Variants in RALYL observed in about 807,000 individuals in gnomAD.
RALYL encodes RALY RNA binding protein like.
In RALYL, 29 loss-of-function variants were observed where a neutral mutation model predicts 35.1. The observed-to-expected ratio is 0.83, with a 90% CI of 0.61 to 1.13. RALYL has a LOEUF of 1.13. Among genes scored for constraint, RALYL ranks in the 50% most tolerant of loss-of-function variants. The pLI is 0.00. For missense variants in RALYL, 359 were observed against 360.4 expected, an observed-to-expected ratio of 1.00 and a Z score of 0.03; for synonymous variants, 120 against 127.6, an observed-to-expected ratio of 0.94 and a Z score of 0.40.
At chr8:84,887,469 A>G (rs1843084030) in intron 7 of RALYL, 135 bp from the exon 8 acceptor site, 2 of 608,622 alleles carry the variant, frequency 3.3e-6, no homozygotes, top group Non-Finnish European at 5.3e-6. Context: ...AACTTAAAGC[A>G]TAATATTACC....
At chr8:84,346,521 T>C (rs1344861919) in intron 1 of RALYL, among the ~76,000 whole-genome samples, 2 of 152,126 alleles carry the variant, frequency 1.3e-5, no homozygotes, top group Non-Finnish European at 2.9e-5. Context: ...CAGGCTGGAG[T>C]GCAGTGGTGC....
chr8:84,681,622 A>C (rs991830229), intron 2 of RALYL, among the ~76,000 whole-genome samples: 32 of 152,056 alleles, frequency 2.1e-4, no homozygotes, highest in Non-Finnish European at 4.1e-4. Flanking sequence ...ATGGGAGTTC[A>C]CTCATGATTT....
intron 8 of RALYL, among the ~76,000 whole-genome samples, chr8:84,892,925 C>A (rs1172197136): frequency 6.6e-6 from 1 of 152,106 alleles, no homozygotes; most frequent in Non-Finnish European, 1.5e-5. Flanking sequence ...CACTATGAAA[C>A]CACTACTATA....
intron 1 of RALYL, among the ~76,000 whole-genome samples, chr8:84,265,292 A>G (rs1833073220): frequency 6.6e-6 from 1 of 152,208 alleles, no homozygotes; most frequent in Non-Finnish European, 1.5e-5. Context: ...GTGGGCTCAG[A>G]TGAATCACAT....
intron 1 of RALYL, among the ~76,000 whole-genome samples, chr8:84,279,767 C>G (rs902188533): frequency 7.9e-5 from 12 of 152,084 alleles, no homozygotes; most frequent in African/African-American, 2.9e-4. Flanking sequence ...TATCTTTTTA[C>G]CACTGATTTT....
chr8:84,680,358 T>C (rs558772648), intron 2 of RALYL, among the ~76,000 whole-genome samples: 1 of 152,294 alleles, frequency 6.6e-6, no homozygotes, highest in African/African-American at 2.4e-5. Flanking sequence ...CCTTTGGGTA[T>C]ATACCCAGTA....
At chr8:84,499,037 C>T (rs1158972881) in intron 1 of RALYL, among the ~76,000 whole-genome samples, 1 of 150,580 alleles carries the variant, frequency 6.6e-6, no homozygotes, top group Non-Finnish European at 1.5e-5. Context: ...ACTGGGGGAG[C>T]AGTCTTATAA....
At chr8:84,711,718 ATTTT>A (rs1354485111) in intron 2 of RALYL, among the ~76,000 whole-genome samples, 4 of 152,156 alleles carry the variant, frequency 2.6e-5, no homozygotes, top group African/African-American at 9.6e-5. Flanking sequence ...ATATTTTGTA[ATTTT>A]TAGAATATGA....
intron 1 of RALYL, among the ~76,000 whole-genome samples, chr8:84,416,467 A>C (rs1320974074): frequency 1.3e-5 from 2 of 152,232 alleles, no homozygotes; most frequent in Admixed American, 1.3e-4. Context: ...AATAGTTCCC[A>C]TATGAAGAGA....
chr8:84,392,191 C>G (rs757919112), intron 1 of RALYL, among the ~76,000 whole-genome samples: 8 of 151,968 alleles, frequency 5.3e-5, no homozygotes, highest in Admixed American at 1.3e-4. Flanking sequence ...ATGGCCACTG[C>G]AGAAGAGTTT....
chr8:84,471,533 C>G (rs1183214616), intron 1 of RALYL, among the ~76,000 whole-genome samples: 1 of 152,006 alleles, frequency 6.6e-6, no homozygotes, highest in East Asian at 1.9e-4. Flanking sequence ...GTTTGACAGC[C>G]TGGGTGACAG....
chr8:84,190,984 G>A (rs187944534), intron 1 of RALYL, among the ~76,000 whole-genome samples: 1 of 151,688 alleles, frequency 6.6e-6, no homozygotes, highest in African/African-American at 2.4e-5. Context: ...GTGTATGTAA[G>A]TATTGTTCAA....
chr8:84,252,512 G>T (rs921303595), intron 1 of RALYL, among the ~76,000 whole-genome samples: 1 of 152,060 alleles, frequency 6.6e-6, no homozygotes, highest in Non-Finnish European at 1.5e-5. Context: ...ATGCAAAGGC[G>T]CAGACCTATT....
chr8:84,317,630 C>G (rs558174222), intron 1 of RALYL, among the ~76,000 whole-genome samples: 17 of 152,184 alleles, frequency 1.1e-4, no homozygotes, highest in Non-Finnish European at 2.4e-4. Context: ...TAGTTAAGCA[C>G]ATGGCCCTGT....
intron 8 of RALYL, among the ~76,000 whole-genome samples, chr8:84,892,079 G>C (rs118116995): frequency 9.7e-4 from 148 of 152,256 alleles, no homozygotes; most frequent in Non-Finnish European, 1.8e-3. Flanking sequence ...TTGTGAGGTG[G>C]TGAGAAGCCA....
At chr8:84,719,640 G>A (rs545891478) in intron 2 of RALYL, among the ~76,000 whole-genome samples, 63 of 151,978 alleles carry the variant, frequency 4.1e-4, no homozygotes, top group African/African-American at 1.4e-3. Flanking sequence ...TTAATTCATG[G>A]CTTATTTTAT....
chr8:84,727,300 C>T (rs1329094175), intron 2 of RALYL, among the ~76,000 whole-genome samples: 1 of 151,926 alleles, frequency 6.6e-6, no homozygotes, highest in Non-Finnish European at 1.5e-5. Flanking sequence ...CACAACAAGC[C>T]TGTAAGGAGT....
rs546316493 is a variant in RALYL at position 84,718,591 on chromosome 8, T to A, written c.257-55988T>A. 6.6e-5 allele frequency among the ~76,000 whole-genome samples: 10 copies of A among 151,832 alleles called. No homozygotes were observed. In the East Asian group the frequency reaches 1.6e-3, roughly 24 times the overall value. On this transcript the variant is annotated intron_variant, in intron 2 of 8. Coordinates refer to ENST00000521268, the MANE Select transcript of RALYL (RefSeq NM_173848.7). ...CCAGACTGGCCAACATGGTGAAACC[T>A]CATCTCTACTAAAAATACAGAAAAT... is the stretch of plus-strand genomic sequence containing the variant.
At chr8:84,917,451 A>C (rs554290937) in intron 8 of RALYL, among the ~76,000 whole-genome samples, 1 of 151,910 alleles carries the variant, frequency 6.6e-6, no homozygotes, top group African/African-American at 2.4e-5. Flanking sequence ...ACATTCAAGC[A>C]TTTATCCTTT....
Sources: gnomAD v4.1 joint callset for allele counts (sites outside exome capture counted in the v4.1 genomes callset) on GRCh38, gnomAD v4.1.1 for gene constraint, MANE v1.5 for transcripts, NCBI Gene and HGNC (gene_info 2026-07-23, HGNC 2026-07-21) for gene names.